Variants in ITIH6 observed in about 807,000 individuals in gnomAD.
ITIH6 encodes the protein inter-alpha-trypsin inhibitor heavy chain H6.
A neutral mutation model predicts 58.2 loss-of-function variants in ITIH6; 60 were observed. The ratio of observed to expected loss-of-function variants is 1.03; its 90% CI spans 0.84 to 1.28. ITIH6 has a LOEUF of 1.28. ITIH6 is among the 50% of genes most tolerant of loss of function. ITIH6 has a pLI of 0.00. For missense variants in ITIH6, 1,290 were observed against 1,021.1 expected, an observed-to-expected ratio of 1.26 and a Z score of -3.59; for synonymous variants, 493 against 417.4, an observed-to-expected ratio of 1.18 and a Z score of -2.21.
intron 5 of ITIH6, among the ~76,000 whole-genome samples, chrX:54,783,707 A>C (rs1409949350): frequency 8.9e-6 from 1 of 112,269 alleles, no homozygotes; most frequent in Non-Finnish European, 1.9e-5. Flanking sequence ...AAATGGAAAG[A>C]TATTCCATGT....
In ITIH6 at chrX:54,758,068, T is replaced by A. The variant is rs1385822267; in HGVS notation, c.2006A>T (p.Tyr669Phe). The change falls in exon 8 of 13, where the codon TAC becomes TTC. Residue 669 changes from tyrosine (Y) to phenylalanine (F), a missense_variant. Tyr to Phe is a conservative substitution (Grantham distance 22). Coordinates refer to ENST00000218436, the MANE Select transcript of ITIH6 (RefSeq NM_198510.3). ...PKSRPVKPKF[Y>F]LSSTTTASTK... ...AGAGGCAGTAGTAGTTGAGGATAAG[T>A]AGAACTTTGGTTTCACAGGCCTTGA... 4 of 1,211,371 alleles carry A rather than the reference T, an allele frequency of 3.3e-6. No homozygotes were observed. The highest frequency in any genetic ancestry group is 4.5e-6 in the Non-Finnish European group (4 of 895,296).
At chrX:54,754,921 A>T in intron 9 of ITIH6, 96 bp downstream of exon 9, 1 of 633,785 alleles carries the variant, frequency 1.6e-6, no homozygotes, top group Non-Finnish European at 2.5e-6. Context: ...AAACTAATAC[A>T]TTACTTCCCT....
intron 2 of ITIH6, among the ~76,000 whole-genome samples, chrX:54,793,856 G>A (rs935184314): frequency 1.8e-5 from 2 of 111,477 alleles, no homozygotes; most frequent in Admixed American, 9.5e-5. Context: ...ACTTTTTGCC[G>A]TGGAGAATGG....
rs1358342867 is a variant in ITIH6 at position 54,749,167 on chromosome X, A to T, written c.*728T>A. On this transcript the variant is annotated 3_prime_UTR_variant, in exon 13 of 13. Transcript: ENST00000218436. ...TTATGGGATCCTTTTTTGTTAATTA[A>T]TTAATTCATTCTTTTAACAAATATT... 1 of 111,576 alleles carries T rather than the reference A, an allele frequency of 9.0e-6. No individual in the cohort carries two copies. 9.2% of individuals were successfully genotyped at this position (111,576 alleles called of 1,213,427 possible).
chrX:54,768,020 G>A (rs1419214151), intron 6 of ITIH6, among the ~76,000 whole-genome samples: 1,868 of 74,345 alleles, frequency 0.025, no homozygotes, highest in African/African-American at 0.072. Flanking sequence ...TAATGTGTGG[G>A]AGTCTAAGTC....
intron 6 of ITIH6, among the ~76,000 whole-genome samples, chrX:54,764,178 C>A (rs1490210240): frequency 9.0e-6 from 1 of 111,480 alleles, no homozygotes; most frequent in East Asian, 2.8e-4. Flanking sequence ...TATATTTAAA[C>A]CATTTATGAT....
At chrX:54,795,645 C>T (rs1439652549) in intron 2 of ITIH6, among the ~76,000 whole-genome samples, 2 of 111,818 alleles carry the variant, frequency 1.8e-5, no homozygotes, top group Admixed American at 9.5e-5. Flanking sequence ...TGCCTTTATT[C>T]CTTTTTCCTG....
In ITIH6 at chrX:54,757,097, G is replaced by C. The variant is rs755696175; in HGVS notation, c.2977C>G (p.Leu993Val). The change falls in exon 8 of 13, where the codon CTC becomes GTC. Residue 993 changes from leucine (L) to valine (V), a missense_variant. Leu to Val is a conservative substitution (Grantham distance 32). Coordinates refer to ENST00000218436, the MANE Select transcript of ITIH6 (RefSeq NM_198510.3). ...NLPILLPSSI[L>V]PEAISLLLLP... Reference sequence around the variant, plus strand: ...AGGAGCAGACTGATGGCCTCAGGGAGGATGCTAGAAGGCAGCAAGATTGGC... The same window carrying C: ...AGGAGCAGACTGATGGCCTCAGGGACGATGCTAGAAGGCAGCAAGATTGGC... The C allele has an allele frequency of 5.3e-5, 64 of 1,209,793 alleles. No homozygotes were observed. The highest frequency in any genetic ancestry group is 6.3e-5 in the Non-Finnish European group (56 of 895,022).
chrX:54,751,167 A>G lies in ITIH6; in HGVS notation c.3566T>C (p.Leu1189Pro). 8.3e-7 allele frequency: 1 copy of G among 1,211,251 alleles called. No individual in the cohort carries two copies. The highest frequency in any genetic ancestry group is 1.8e-5 in the South Asian group (1 of 56,812). ...AAGGCGGGCTGCAGCAGCCACATAG[A>G]GCTCCAGCTGGGGCCTCTTCAGCAG... is the stretch of plus-strand genomic sequence containing the variant. ...PALLKRPQLE[L>P]YVAAAARLTL... is the part of the protein sequence containing the mutation. Residue 1189 changes from leucine (L) to proline (P), a missense_variant, in exon 12 of 13, where the codon CTC becomes CCC. By Grantham distance (98) the Leu-to-Pro change is moderately conservative. Transcript: ENST00000218436.
chrX:54,755,528 C>T (rs763868230), intron 8 of ITIH6, among the ~76,000 whole-genome samples: 2 of 110,491 alleles, frequency 1.8e-5, no homozygotes, highest in East Asian at 5.7e-4. Context: ...CCTGAAGTAG[C>T]CTGCTTGGGG....
At chrX:54,767,247 AT>A (rs1928812534) in intron 6 of ITIH6, among the ~76,000 whole-genome samples, 1 of 104,063 alleles carries the variant, frequency 9.6e-6, no homozygotes, top group Admixed American at 1.0e-4. Flanking sequence ...CCCCTTTATC[AT>A]TTTTTATTGT....
chrX:54,795,127 G>A lies in ITIH6; in HGVS notation c.257+1815C>T, dbSNP rs186499988. Among the ~76,000 whole-genome samples, 509 of 111,428 alleles carry A rather than the reference G, an allele frequency of 4.6e-3. 2 individuals carry two copies. Among genetic ancestry groups the A allele is most frequent in the African/African-American group, 0.016 (486 of 30,669 alleles). On this transcript the variant is annotated intron_variant, in intron 2 of 12. Transcript: ENST00000218436. ...CTACTCAGCTCCTGGCCACCTAGCCGGCCCCTCCAGTCTGCTACCACTTCA... is the reference window on the plus strand; with the variant it reads ...CTACTCAGCTCCTGGCCACCTAGCCAGCCCCTCCAGTCTGCTACCACTTCA...
rs766703870 is a variant in ITIH6 at position 54,749,875 on chromosome X, G to A, written c.*20C>T. The A allele has an allele frequency of 5.1e-6, 6 of 1,184,093 alleles. No homozygotes were observed. Among genetic ancestry groups the A allele is most frequent in the Non-Finnish European group, 6.8e-6 (6 of 876,402 alleles). On this transcript the variant is annotated 3_prime_UTR_variant, in exon 13 of 13. Coordinates refer to ENST00000218436, the MANE Select transcript of ITIH6 (RefSeq NM_198510.3). ...GGATCTCCCAAATTCAGGTCTCCTG[G>A]CTCTGGAATTCAGAAGCCATCACAG... is the stretch of plus-strand genomic sequence containing the variant.
At position 54,753,746 on chromosome X, in the gene ITIH6, A is replaced by T. The variant is rs1334344172; in HGVS notation, c.3257T>A (p.Phe1086Tyr). ...TTCTGAGTGTGGGATTTGGATCACA[A>T]AGTGGGGGTCCCCGTCCACTGCAAG... ...FSSSVDGDPHFVIQIPHSEEK... is the reference protein window; with the variant it reads ...FSSSVDGDPHYVIQIPHSEEK... The change falls in exon 11 of 13, where the codon TTT becomes TAT. Residue 1086 changes from phenylalanine (F) to tyrosine (Y), a missense_variant. By Grantham distance (22) the Phe-to-Tyr change is conservative. Coordinates refer to ENST00000218436, the MANE Select transcript of ITIH6 (RefSeq NM_198510.3). 1.7e-6 allele frequency: 2 copies of T among 1,209,126 alleles called. No homozygotes were observed. Among genetic ancestry groups the T allele is most frequent in the Admixed American group, 4.3e-5 (2 of 45,987 alleles).
At chrX:54,784,096 C>T (rs375038477) in intron 5 of ITIH6, among the ~76,000 whole-genome samples, 5 of 111,606 alleles carry the variant, frequency 4.5e-5, no homozygotes, top group Non-Finnish European at 9.4e-5. Flanking sequence ...AAAGAACAGT[C>T]GCCTCAATAA....
intron 1 of ITIH6, among the ~76,000 whole-genome samples, chrX:54,797,578 A>AT (rs1323251426): frequency 1.8e-5 from 2 of 111,698 alleles, no homozygotes; most frequent in African/African-American, 6.5e-5. Context: ...ATAAATACTG[A>AT]TTTTTTTCTT....
intron 6 of ITIH6, among the ~76,000 whole-genome samples, chrX:54,770,741 G>A (rs774406923): frequency 8.9e-6 from 1 of 111,914 alleles, no homozygotes; most frequent in East Asian, 2.8e-4. Context: ...TTATCTGTTA[G>A]GTCAGTTAAT....
Position 54,775,092 on chromosome X carries a change from A to G in ITIH6, c.787-895T>C, listed in dbSNP as rs1017716300. 2.2e-4 allele frequency among the ~76,000 whole-genome samples: 24 copies of G among 111,617 alleles called. No homozygotes were observed. In the East Asian group the frequency reaches 5.1e-3, roughly 24 times the overall value. ...ACATCTGCTCTTCCCCCTCCACCCC[A>G]GCCTTTGAATTAATTCACATGTGCA... is the stretch of plus-strand genomic sequence containing the variant. On this transcript the variant is annotated intron_variant, in intron 5 of 12. Coordinates refer to ENST00000218436, the MANE Select transcript of ITIH6 (RefSeq NM_198510.3).
chrX:54,786,603 C>T (rs1282852408), intron 5 of ITIH6, among the ~76,000 whole-genome samples: 5 of 111,306 alleles, frequency 4.5e-5, no homozygotes, highest in South Asian at 7.6e-4. Flanking sequence ...CCCACTTTGC[C>T]GGAATGCCTT....
Sources: gnomAD v4.1 joint callset for allele counts (sites outside exome capture counted in the v4.1 genomes callset) on GRCh38, gnomAD v4.1.1 for gene constraint, MANE v1.5 for transcripts, NCBI Gene and HGNC (gene_info 2026-07-23, HGNC 2026-07-21) for gene names.